The following PSD3 variants were observed in gnomAD, a reference collection of about 807,000 sequenced individuals.
PSD3 encodes the protein pleckstrin and Sec7 domain containing 3.
Under a neutral mutation model 105.5 loss-of-function variants are expected in PSD3, and 49 were observed. The ratio of observed to expected loss-of-function variants is 0.46; its 90% CI spans 0.37 to 0.59. The LOEUF (loss-of-function observed/expected upper bound fraction) is 0.59, where lower values mean the gene tolerates loss of function less well. PSD3 is among the 20% of genes least tolerant of loss of function. PSD3 has a pLI of 0.00. For missense variants in PSD3, 1,561 were observed against 1,263.8 expected (o/e 1.24, Z -3.57); for synonymous variants, 557 against 457.8 (o/e 1.22, Z -2.77).
intron 2 of PSD3, among the ~76,000 whole-genome samples, chr8:18,902,320 A>C (rs1292337491): frequency 6.6e-6 from 1 of 152,160 alleles, no homozygotes; most frequent in Non-Finnish European, 1.5e-5. Context: ...AATTCTTCAA[A>C]TACAGGATTT....
At chr8:18,557,970 G>T (rs1328036272) in intron 14 of PSD3, among the ~76,000 whole-genome samples, 1 of 152,186 alleles carries the variant, frequency 6.6e-6, no homozygotes, top group Non-Finnish European at 1.5e-5. Flanking sequence ...TAAGAGTGGG[G>T]CATATATCCA....
intron 4 of PSD3, among the ~76,000 whole-genome samples, chr8:18,832,541 T>C (rs776649839): frequency 2.0e-5 from 3 of 152,218 alleles, no homozygotes; most frequent in Non-Finnish European, 4.4e-5. Flanking sequence ...TGTCAAGCAT[T>C]ATCCTCCAAC....
chr8:18,655,167 C>CA (rs748560630), intron 10 of PSD3, among the ~76,000 whole-genome samples: 5,223 of 141,222 alleles, frequency 0.037, 113 homozygotes, highest in East Asian at 0.085. Flanking sequence ...ACTAAAAATG[C>CA]AAAAAAAAAA....
intron 1 of PSD3, among the ~76,000 whole-genome samples, chr8:19,037,965 T>C (rs1417441264): frequency 6.7e-6 from 1 of 149,536 alleles, no homozygotes; most frequent in African/African-American, 2.4e-5. Context: ...AAAGTATATA[T>C]ATATAATTTT....
intron 2 of PSD3, among the ~76,000 whole-genome samples, chr8:18,923,155 G>A (rs1270589188): frequency 6.6e-6 from 1 of 152,078 alleles, no homozygotes; most frequent in East Asian, 1.9e-4. Context: ...TTGGGCCACA[G>A]ATAAAATACA....
chr8:18,731,588 A>G (rs1803754746), intron 9 of PSD3, among the ~76,000 whole-genome samples: 1 of 152,228 alleles, frequency 6.6e-6, no homozygotes, highest in Admixed American at 6.5e-5. Context: ...AAATCTTTTA[A>G]GTACAAAAAA....
intron 6 of PSD3, among the ~76,000 whole-genome samples, chr8:18,803,647 C>A (rs1563289025): frequency 6.6e-6 from 1 of 151,832 alleles, no homozygotes; most frequent in Non-Finnish European, 1.5e-5. Flanking sequence ...CAAGAATGAA[C>A]CTTGAAGACA....
chr8:18,726,008 C>A (rs1294993396), intron 9 of PSD3, among the ~76,000 whole-genome samples: 1 of 152,172 alleles, frequency 6.6e-6, no homozygotes. Context: ...GAGGTAACAA[C>A]AGAAGAATCA....
chr8:18,843,185 C>G (rs189049516), intron 4 of PSD3, among the ~76,000 whole-genome samples: 57 of 152,140 alleles, frequency 3.7e-4, no homozygotes, highest in Non-Finnish European at 6.9e-4. Flanking sequence ...ACGGTGAAAC[C>G]CCATCTCTAC....
chr8:18,669,992 G>C lies in PSD3; in HGVS notation c.2173-14307C>G, dbSNP rs77514114. On this transcript the variant is annotated intron_variant, in intron 9 of 15. Transcript: ENST00000327040. ...AACAACAGACACAGAACTTAGATTT[G>C]AGTGGGGTGGAAGCAGGTAATAAAT... Among the ~76,000 whole-genome samples, 1,406 of 152,292 alleles carry C rather than the reference G, an allele frequency of 9.2e-3. 20 individuals carry two copies. The highest frequency in any genetic ancestry group is 0.031 in the African/African-American group (1,300 of 41,554).
intron 1 of PSD3, among the ~76,000 whole-genome samples, chr8:19,005,286 C>T (rs1162947724): frequency 6.6e-6 from 1 of 152,000 alleles, no homozygotes; most frequent in Non-Finnish European, 1.5e-5. Context: ...AGTACTAACA[C>T]ATGCTACTTC....
intron 2 of PSD3, among the ~76,000 whole-genome samples, chr8:18,881,554 G>C (rs1420571523): frequency 6.6e-6 from 1 of 152,176 alleles, no homozygotes; most frequent in Non-Finnish European, 1.5e-5. Context: ...ACTGTAAGCT[G>C]AAATTTGAAC....
intron 1 of PSD3, among the ~76,000 whole-genome samples, chr8:19,007,555 T>C (rs1243372448): frequency 6.6e-6 from 1 of 152,020 alleles, no homozygotes; most frequent in African/African-American, 2.4e-5. Flanking sequence ...ACTGCATCGA[T>C]TCTATAAAGT....
intron 11 of PSD3, among the ~76,000 whole-genome samples, chr8:18,629,013 TA>T (rs1270905136): frequency 6.6e-6 from 1 of 151,758 alleles, no homozygotes; most frequent in Non-Finnish European, 1.5e-5. Flanking sequence ...TGATTTACAA[TA>T]AAAAGCGAGA....
At chr8:18,570,748 A>G (rs1306220871) in intron 14 of PSD3, among the ~76,000 whole-genome samples, 1 of 152,114 alleles carries the variant, frequency 6.6e-6, no homozygotes, top group African/African-American at 2.4e-5. Flanking sequence ...GCCATCAGAG[A>G]AATGCAAGTA....
intron 4 of PSD3, among the ~76,000 whole-genome samples, chr8:18,810,266 G>C (rs543068510): frequency 6.6e-6 from 1 of 152,258 alleles, no homozygotes; most frequent in African/African-American, 2.4e-5. Context: ...GTACTCAACA[G>C]CCATCTGCTA....
intron 2 of PSD3, among the ~76,000 whole-genome samples, chr8:18,909,120 A>G (rs1820037758): frequency 6.6e-6 from 1 of 152,230 alleles, no homozygotes; most frequent in African/African-American, 2.4e-5. Context: ...ATCATCATCA[A>G]AAGGGCAAAT....
intron 1 of PSD3, among the ~76,000 whole-genome samples, chr8:19,033,473 A>C (rs1473240488): frequency 6.6e-6 from 1 of 151,780 alleles, no homozygotes; most frequent in Non-Finnish European, 1.5e-5. Context: ...TCCAAGAACT[A>C]TGTAGATGTA....
At chr8:18,602,976 A>T (rs1804544557) in intron 11 of PSD3, among the ~76,000 whole-genome samples, 1 of 152,220 alleles carries the variant, frequency 6.6e-6, no homozygotes, top group Non-Finnish European at 1.5e-5. Context: ...TCACATAATG[A>T]ACTTGATGAG....
Sources: allele counts gnomAD v4.1 joint callset (sites outside exome capture counted in the v4.1 genomes callset), GRCh38; gene constraint gnomAD v4.1.1; transcripts MANE v1.5; gene names NCBI Gene and HGNC (gene_info 2026-07-23, HGNC 2026-07-21).